Variants in SV2B observed in about 807,000 individuals in gnomAD.
The protein encoded by SV2B is solute carrier family 22 member B2.
In SV2B, 41 loss-of-function variants were observed where a neutral mutation model predicts 73.9. The observed-to-expected ratio is 0.56, with a 90% CI of 0.43 to 0.72. The LOEUF is 0.72. Ranked by LOEUF, SV2B falls within the 30% of genes least tolerant of loss-of-function variation. The probability of loss-of-function intolerance (pLI) is 0.00; values close to 1 mark genes in which losing one functional copy is unlikely to be tolerated. For synonymous variants in SV2B, 314 were observed against 314.2 expected (o/e 1.00, Z 0.01); for missense variants, 764 against 857.8 (o/e 0.89, Z 1.37).
rs567584909 is a variant in SV2B, at chr15:91,139,460, G to C, written c.-392+39097G>C. Among the ~76,000 whole-genome samples, 1 of 152,272 alleles carries C rather than the reference G, an allele frequency of 6.6e-6. No homozygotes were observed. Among genetic ancestry groups the C allele is most frequent in the South Asian group, 2.1e-4 (1 of 4,824 alleles). ...CACCCTTGAGCTAAAACCAGAGCTG[G>C]GAAATGGAGGCAGGGAGAGGTGTAC... On this transcript the variant is annotated intron_variant, in intron 1 of 12. Coordinates refer to ENST00000394232, the MANE Select transcript of SV2B (RefSeq NM_001323032.3). The surrounding 1 kb of genome is among the most constrained non-coding windows in gnomAD (Gnocchi z 5.2).
rs912670029 is a variant in SV2B at position 91,234,032 on chromosome 15, A to G, written c.451+7318A>G. 2.0e-5 allele frequency among the ~76,000 whole-genome samples: 3 copies of G among 152,220 alleles called. No individual in the cohort carries two copies. The highest frequency in any genetic ancestry group is 4.8e-5 in the African/African-American group (2 of 41,454). On this transcript the variant is annotated intron_variant, in intron 2 of 12. Coordinates refer to ENST00000394232, the MANE Select transcript of SV2B (RefSeq NM_001323032.3). The surrounding 1 kb of genome is among the most constrained non-coding windows in gnomAD (Gnocchi z 5.6). ...TGGGCCCACTAAGCAGAAATTCTGC[A>G]TTTAATGTTGCAGCTTGTAGGGCTG...
intron 11 of SV2B, among the ~76,000 whole-genome samples, chr15:91,285,280 G>C (rs2048821735): frequency 6.6e-6 from 1 of 152,168 alleles, no homozygotes; most frequent in South Asian, 2.1e-4. Flanking sequence ...CTTGTGGTGA[G>C]GGTGGAGTCA....
intron 1 of SV2B, among the ~76,000 whole-genome samples, chr15:91,108,409 A>G (rs758623203): frequency 7.9e-5 from 12 of 152,242 alleles, no homozygotes; most frequent in Admixed American, 6.5e-5. Flanking sequence ...ATATAGATGC[A>G]GAAGCTTTCC....
intron 9 of SV2B, among the ~76,000 whole-genome samples, chr15:91,279,847 C>A (rs1003832898): frequency 3.4e-4 from 51 of 152,216 alleles, no homozygotes; most frequent in African/African-American, 1.2e-3. Context: ...TCAGAGGCAT[C>A]TTCTTGTAAC....
chr15:91,188,585 G>T (rs2044872678), intron 1 of SV2B, among the ~76,000 whole-genome samples: 1 of 152,060 alleles, frequency 6.6e-6, no homozygotes, highest in South Asian at 2.1e-4. Context: ...AAAGTGCTGG[G>T]ATTACAGGCG....
At position 91,258,031 on chromosome 15, in the gene SV2B, G is replaced by A. The variant is rs938544070; in HGVS notation, c.785-390G>A. On this transcript the variant is annotated intron_variant, in intron 4 of 12. Transcript: ENST00000394232. The surrounding 1 kb of genome is among the most constrained non-coding windows in gnomAD (Gnocchi z 4.7). ...TTGTCAAGGCAGGCAAATAGAATAT[G>A]TTTCCTTTAACAATCTGCCATCTTA... is the stretch of plus-strand genomic sequence containing the variant. 2.0e-5 allele frequency among the ~76,000 whole-genome samples: 3 copies of A among 152,152 alleles called. No homozygotes were observed. Among genetic ancestry groups the A allele is most frequent in the Non-Finnish European group, 4.4e-5 (3 of 68,022 alleles).
Position 91,136,298 on chromosome 15 carries a change from C to T in SV2B, c.-392+35935C>T, listed in dbSNP as rs757095487. 2.6e-5 allele frequency among the ~76,000 whole-genome samples: 4 copies of T among 152,090 alleles called. No homozygotes were observed. Among genetic ancestry groups the T allele is most frequent in the African/African-American group, 7.2e-5 (3 of 41,406 alleles). On this transcript the variant is annotated intron_variant, in intron 1 of 12. Coordinates refer to ENST00000394232, the MANE Select transcript of SV2B (RefSeq NM_001323032.3). This position sits in a 1 kb window ranked among gnomAD's most constrained non-coding sequence, Gnocchi z 5.6. ...CTCAGATTAGTCGGGAGAGAGCGGC[C>T]GACCTCAGCAGGTTGCTGGAAGGTT...
chr15:91,226,460 T>C lies in SV2B; in HGVS notation c.197T>C (p.Met66Thr). 1 of 1,614,176 alleles carries C rather than the reference T, an allele frequency of 6.2e-7. No homozygotes were observed. Among genetic ancestry groups the C allele is most frequent in the South Asian group, 1.1e-5 (1 of 91,084 alleles). Residue 66 changes from methionine to threonine, a missense_variant, in exon 2 of 13, where the codon ATG becomes ACG. Met to Thr is a moderately conservative substitution (Grantham distance 81). Transcript: ENST00000394232. The stretch of plus-strand genomic sequence containing the variant: ...GATGTCAAGGCCAAGCAGGCCAAGA[T>C]GGCGCCCTCCAGAATGGACAGCCTT... ...PDDVKAKQAKMAPSRMDSLRG... is the reference protein window; with the variant it reads ...PDDVKAKQAKTAPSRMDSLRG...
intron 9 of SV2B, among the ~76,000 whole-genome samples, chr15:91,271,308 G>T (rs2141706023): frequency 6.6e-6 from 1 of 152,308 alleles, no homozygotes; most frequent in South Asian, 2.1e-4. Context: ...CCAGTGTTTA[G>T]CAGATATATC....
In SV2B at chr15:91,165,836, T is replaced by G. The variant is rs531634787; in HGVS notation, c.-391-60037T>G. On this transcript the variant is annotated intron_variant, in intron 1 of 12. Coordinates refer to ENST00000394232, the MANE Select transcript of SV2B (RefSeq NM_001323032.3). ...TATCCAGATATTACCATTTCCAAGT[T>G]TTTTCTAGTGTTATTTCCTTTCTAC... 1.1e-4 allele frequency among the ~76,000 whole-genome samples: 17 copies of G among 152,334 alleles called. No individual in the cohort carries two copies. In the South Asian group the frequency reaches 2.9e-3, roughly 26 times the overall value.
chr15:91,099,656 G>A (rs145924797), upstream of SV2B, among the ~76,000 whole-genome samples: 1,605 of 152,320 alleles, frequency 0.011, 15 homozygotes, highest in Non-Finnish European at 0.017. Context: ...AATGCACCAA[G>A]CCTTGCAGGC....
rs762162154 is a variant in SV2B at position 91,226,631 on chromosome 15, G to T, written c.368G>T (p.Gly123Val). 1 of 1,614,164 alleles carries T rather than the reference G, an allele frequency of 6.2e-7. No homozygotes were observed. Among genetic ancestry groups the T allele is most frequent in the Non-Finnish European group, 8.5e-7 (1 of 1,180,024 alleles). The change falls in exon 2 of 13, where the codon GGG (glycine) becomes GTG (valine). Residue 123 changes from glycine to valine, a missense_variant. By Grantham distance (109) the Gly-to-Val change is moderately radical. Transcript: ENST00000394232. ...FVLGLALMAD[G>V]VEVFVVSFAL... ...TTGGGTTTGGCCCTGATGGCCGATGGGGTGGAAGTGTTCGTGGTGAGTTTT... is the reference window on the plus strand; with the variant it reads ...TTGGGTTTGGCCCTGATGGCCGATGTGGTGGAAGTGTTCGTGGTGAGTTTT...
Position 91,239,457 on chromosome 15 carries a change from A to G in SV2B, c.452-12362A>G, listed in dbSNP as rs1342840854. Among the ~76,000 whole-genome samples, 1 of 152,008 alleles carries G rather than the reference A, an allele frequency of 6.6e-6. No individual in the cohort carries two copies. The highest frequency in any genetic ancestry group is 1.9e-4 in the East Asian group (1 of 5,172). On this transcript the variant is annotated intron_variant, in intron 2 of 12. Transcript: ENST00000394232. The surrounding 1 kb of genome is among the most constrained non-coding windows in gnomAD (Gnocchi z 5.1). ...TACCATCTAATATTAGAAATGAAAG[A>G]AAGGAAGGAGACCTCCTAGCATGCC...
At position 91,207,264 on chromosome 15, in the gene SV2B, C is replaced by T. The variant is rs939611281; in HGVS notation, c.-391-18609C>T. Among the ~76,000 whole-genome samples, 5 of 150,270 alleles carry T rather than the reference C, an allele frequency of 3.3e-5. No homozygotes were observed. The South Asian group carries it at 8.4e-4, about 25-fold the overall frequency. ...TCTTGAACTTCTGAGTTCAAGCGAT[C>T]CTCTTACCTTGGCCTCCCAAAGTGC... On this transcript the variant is annotated intron_variant, in intron 1 of 12. Transcript: ENST00000394232.
chr15:91,231,022 C>G lies in SV2B; in HGVS notation c.451+4308C>G, dbSNP rs2046553436. Among the ~76,000 whole-genome samples, 1 of 152,054 alleles carries G rather than the reference C, an allele frequency of 6.6e-6. No homozygotes were observed. The highest frequency in any genetic ancestry group is 1.5e-5 in the Non-Finnish European group (1 of 68,018). ...GTGTGACCTTGGGCCAATCTGAAGT[C>G]TTTCTTCTGAGATTCCACAGTTTTT... On this transcript the variant is annotated intron_variant, in intron 2 of 12. Coordinates refer to ENST00000394232, the MANE Select transcript of SV2B (RefSeq NM_001323032.3). The surrounding 1 kb of genome is among the most constrained non-coding windows in gnomAD (Gnocchi z 4.5).
chr15:91,288,132 C>A lies in SV2B; in HGVS notation c.1709-1389C>A, dbSNP rs1422807300. Among the ~76,000 whole-genome samples the A allele has an allele frequency of 6.6e-6, 1 of 152,164 alleles. No homozygotes were observed. The highest frequency in any genetic ancestry group is 2.4e-5 in the African/African-American group (1 of 41,422). ...CAGGGCTGAGAAGGGCAAGTCAGAT[C>A]TCTGGGGTGGGGATTCGGGTAAATG... On this transcript the variant is annotated intron_variant, in intron 11 of 12. Coordinates refer to ENST00000394232, the MANE Select transcript of SV2B (RefSeq NM_001323032.3). This position sits in a 1 kb window ranked among gnomAD's most constrained non-coding sequence, Gnocchi z 5.8.
At chr15:91,186,414 G>A (rs1187206596) in intron 1 of SV2B, among the ~76,000 whole-genome samples, 2 of 152,170 alleles carry the variant, frequency 1.3e-5, no homozygotes, top group Non-Finnish European at 2.9e-5. Flanking sequence ...CATGGAGTGA[G>A]ACAAAGCTAG....
At chr15:91,271,237 C>T (rs191275687) in intron 9 of SV2B, among the ~76,000 whole-genome samples, 3 of 151,506 alleles carry the variant, frequency 2.0e-5, no homozygotes, top group East Asian at 1.9e-4. Context: ...CCCCGCCCCA[C>T]GGGGTGACAC....
chr15:91,264,122 T>A (rs948667805), intron 6 of SV2B, among the ~76,000 whole-genome samples: 3 of 152,254 alleles, frequency 2.0e-5, no homozygotes, highest in Non-Finnish European at 4.4e-5. Context: ...CGTCTTACTC[T>A]AGGGTGTCTC....
Sources: allele counts gnomAD v4.1 joint callset (sites outside exome capture counted in the v4.1 genomes callset), GRCh38; gene constraint gnomAD v4.1.1; non-coding constraint Gnocchi (gnomAD v3.1); transcripts MANE v1.5; gene names NCBI Gene and HGNC (gene_info 2026-07-23, HGNC 2026-07-21).